The following KCNQ5 variants were observed in gnomAD, a reference collection of about 807,000 sequenced individuals.
KCNQ5 encodes the protein potassium voltage-gated channel subfamily KQT member 5.
In KCNQ5, 30 loss-of-function variants were observed where a neutral mutation model predicts 98.2. The observed-to-expected ratio is 0.31, with a 90% CI of 0.23 to 0.41. The LOEUF is 0.41. Among genes scored for constraint, KCNQ5 ranks in the 10% least tolerant of loss-of-function variants. The pLI, the probability that KCNQ5 is intolerant of heterozygous loss-of-function variation, is 1.00. For missense variants in KCNQ5, 835 were observed against 1,182.5 expected (o/e 0.71, Z 4.31); for synonymous variants, 458 against 449.4 (o/e 1.02, Z -0.24).
chr6:72,878,418 A>C (rs1196490745), intron 1 of KCNQ5, among the ~76,000 whole-genome samples: 1 of 140,920 alleles, frequency 7.1e-6, no homozygotes, highest in Non-Finnish European at 1.6e-5. Flanking sequence ...CAACCCCAGG[A>C]GGCTTTTTTT....
At chr6:73,122,581 A>G (rs1162570773) in intron 8 of KCNQ5, among the ~76,000 whole-genome samples, 3 of 152,154 alleles carry the variant, frequency 2.0e-5, no homozygotes, top group Admixed American at 1.3e-4. Context: ...AAGAACAGTT[A>G]TTTGTCCAGA....
intron 1 of KCNQ5, among the ~76,000 whole-genome samples, chr6:72,965,774 G>A (rs922818210): frequency 6.6e-6 from 1 of 152,120 alleles, no homozygotes; most frequent in Admixed American, 6.5e-5. Flanking sequence ...TCATTACTGG[G>A]TTAAGCACAA....
intron 1 of KCNQ5, among the ~76,000 whole-genome samples, chr6:72,839,081 A>AT (rs557863522): frequency 1.5e-3 from 235 of 151,796 alleles, no homozygotes; most frequent in African/African-American, 5.3e-3. Context: ...ATATAAAATG[A>AT]TTTTTTTCAT....
chr6:73,009,133 A>G (rs1159006996), intron 2 of KCNQ5, among the ~76,000 whole-genome samples: 2 of 152,136 alleles, frequency 1.3e-5, no homozygotes, highest in East Asian at 1.9e-4. Flanking sequence ...CTGGGACTAC[A>G]GGCACGCACC....
At chr6:72,673,786 A>G (rs925169078) in intron 1 of KCNQ5, among the ~76,000 whole-genome samples, 3 of 152,214 alleles carry the variant, frequency 2.0e-5, no homozygotes, top group African/African-American at 7.2e-5. Flanking sequence ...CACATCTTCA[A>G]CTATCTGATA....
At chr6:72,948,905 A>T (rs567911463) in intron 1 of KCNQ5, among the ~76,000 whole-genome samples, 3 of 152,176 alleles carry the variant, frequency 2.0e-5, no homozygotes, top group African/African-American at 7.2e-5. Flanking sequence ...ACAGCAAACA[A>T]ATGCACATAT....
rs573378361 is a variant in KCNQ5 at position 72,874,715 on chromosome 6, A to G, written c.399-129193A>G. The stretch of plus-strand genomic sequence containing the variant: ...TTGTCCTCATTCCTCACAGCACACA[A>G]GAAACTGAGTGTCACACTCTACTTG... On this transcript the variant is annotated intron_variant, in intron 1 of 13. Transcript: ENST00000370398. Among the ~76,000 whole-genome samples the G allele has an allele frequency of 2.0e-5, 3 of 152,290 alleles. No individual in the cohort carries two copies. In the South Asian group the frequency reaches 6.2e-4, roughly 32 times the overall value.
At chr6:72,739,578 C>T (rs1771025904) in intron 1 of KCNQ5, among the ~76,000 whole-genome samples, 1 of 152,160 alleles carries the variant, frequency 6.6e-6, no homozygotes, top group South Asian at 2.1e-4. Flanking sequence ...ATTTTAAAAC[C>T]TATTCTTTCT....
At chr6:72,942,110 A>C (rs948153454) in intron 1 of KCNQ5, among the ~76,000 whole-genome samples, 1 of 152,200 alleles carries the variant, frequency 6.6e-6, no homozygotes, top group African/African-American at 2.4e-5. Flanking sequence ...AAGCTCAGGG[A>C]GGCAGGTAAC....
chr6:72,789,526 T>A (rs927602891), intron 1 of KCNQ5, among the ~76,000 whole-genome samples: 2 of 152,238 alleles, frequency 1.3e-5, no homozygotes, highest in African/African-American at 4.8e-5. Flanking sequence ...ATTTTTCAGT[T>A]AATTTAAATA....
intron 2 of KCNQ5, among the ~76,000 whole-genome samples, chr6:73,017,116 G>T (rs947602014): frequency 6.6e-6 from 1 of 152,024 alleles, no homozygotes; most frequent in Admixed American, 6.6e-5. Context: ...CTACATTTTA[G>T]CCCCTGTGCT....
intron 1 of KCNQ5, among the ~76,000 whole-genome samples, chr6:72,777,351 G>C (rs1773209977): frequency 6.6e-6 from 1 of 152,158 alleles, no homozygotes; most frequent in African/African-American, 2.4e-5. Context: ...ATATGCAGCA[G>C]GGGAGGTGGA....
chr6:72,785,737 C>T (rs1051718017), intron 1 of KCNQ5, among the ~76,000 whole-genome samples: 1 of 152,082 alleles, frequency 6.6e-6, no homozygotes, highest in Non-Finnish European at 1.5e-5. Flanking sequence ...GTATTTTTCT[C>T]ATTTTTCCTT....
intron 1 of KCNQ5, among the ~76,000 whole-genome samples, chr6:72,656,240 A>G (rs1025764122): frequency 7.2e-5 from 11 of 152,164 alleles, no homozygotes; most frequent in Non-Finnish European, 1.2e-4. Flanking sequence ...CACACAAAAC[A>G]GTATGGTGTT....
intron 3 of KCNQ5, among the ~76,000 whole-genome samples, chr6:73,070,605 C>T (rs1773258686): frequency 6.6e-6 from 1 of 152,162 alleles, no homozygotes; most frequent in Admixed American, 6.5e-5. Flanking sequence ...CCCAGGCTGA[C>T]AAAAGCACTG....
In KCNQ5 at chr6:72,778,433, G is replaced by A. The variant is rs182571874; in HGVS notation, c.398+155846G>A. ...CTTACCTGTGGTTCCAGCTACTCGGGAAGCTGAGGTGGTGGGGGTCGCTTG... is the reference window on the plus strand; with the variant it reads ...CTTACCTGTGGTTCCAGCTACTCGGAAAGCTGAGGTGGTGGGGGTCGCTTG... On this transcript the variant is annotated intron_variant, in intron 1 of 13. Transcript: ENST00000370398. 3.6e-3 allele frequency among the ~76,000 whole-genome samples: 548 copies of A among 152,022 alleles called. 3 individuals carry two copies. The highest frequency in any genetic ancestry group is 6.9e-3 in the Non-Finnish European group (467 of 68,004).
At chr6:72,632,199 G>A (rs144159877) in intron 1 of KCNQ5, among the ~76,000 whole-genome samples, 82 of 146,358 alleles carry the variant, frequency 5.6e-4, no homozygotes, top group Non-Finnish European at 7.4e-4. Context: ...GTTCGGTGGC[G>A]CGATCCCCGC....
At chr6:72,704,901 GC>G (rs1379175070) in intron 1 of KCNQ5, among the ~76,000 whole-genome samples, 1 of 151,970 alleles carries the variant, frequency 6.6e-6, no homozygotes, top group African/African-American at 2.4e-5. Context: ...ATTTTGTTAT[GC>G]CCCCCTCAGT....
At chr6:72,653,416 G>A (rs1363571650) in intron 1 of KCNQ5, among the ~76,000 whole-genome samples, 1 of 151,882 alleles carries the variant, frequency 6.6e-6, no homozygotes, top group Non-Finnish European at 1.5e-5. Flanking sequence ...TTTTCTTTCA[G>A]TATTATTCAG....
Sources: gnomAD v4.1 joint callset for allele counts (sites outside exome capture counted in the v4.1 genomes callset) on GRCh38, gnomAD v4.1.1 for gene constraint, MANE v1.5 for transcripts, NCBI Gene and HGNC (gene_info 2026-07-23, HGNC 2026-07-21) for gene names.